RGS22: variants seen among roughly 807,000 people sequenced by gnomAD.
RGS22 encodes the protein regulator of G protein signaling 22.
RGS22 carries 148 observed loss-of-function variants against 172.9 expected under a neutral mutation model. That is an observed-to-expected ratio of 0.86 (90% CI 0.75 to 0.98). The LOEUF (loss-of-function observed/expected upper bound fraction) is 0.98. Ranked by LOEUF, RGS22 falls within the 50% of genes least tolerant of loss-of-function variation. The pLI is 0.00. For missense variants in RGS22, 1,347 were observed against 1,440.8 expected, an observed-to-expected ratio of 0.93 and a Z score of 1.05; for synonymous variants, 458 against 480.2, an observed-to-expected ratio of 0.95 and a Z score of 0.60.
intron 22 of RGS22, 26 bp downstream of exon 22, chr8:99,981,911 C>T: frequency 6.3e-7 from 1 of 1,577,734 alleles, no homozygotes; most frequent in African/African-American, 1.4e-5. Context: ...TTAAAATATG[C>T]TTAGCCACAT....
chr8:100,044,979 T>C (rs1036421415), intron 11 of RGS22, among the ~76,000 whole-genome samples: 1 of 152,144 alleles, frequency 6.6e-6, no homozygotes, highest in Non-Finnish European at 1.5e-5. Context: ...CCAACATAGT[T>C]TCATCTCATC....
At position 100,039,947 on chromosome 8, in the gene RGS22, A is replaced by G; in HGVS notation, c.2064+15T>C. 1 of 1,396,132 alleles carries G rather than the reference A, an allele frequency of 7.2e-7. No individual in the cohort carries two copies. The highest frequency in any genetic ancestry group is 9.4e-7 in the Non-Finnish European group (1 of 1,061,320). The allele number at this position is 1,396,132 out of a possible 1,614,324, so 86.5% of individuals were successfully genotyped here. ...GTAAAATTATAAAATTAAATTTTAA[A>G]TAATTCTTTTCTACCTTGTTCCCTG... On this transcript the variant is annotated intron_variant, in intron 13 of 27. Transcript: ENST00000360863.
chr8:100,022,725 A>T (rs1678831851), intron 14 of RGS22, among the ~76,000 whole-genome samples: 1 of 152,014 alleles, frequency 6.6e-6, no homozygotes, highest in Admixed American at 6.5e-5. Context: ...GAACAAAAAA[A>T]TTCAATTAAA....
At chr8:100,088,464 T>C (rs1203003183) in intron 3 of RGS22, among the ~76,000 whole-genome samples, 2 of 152,032 alleles carry the variant, frequency 1.3e-5, no homozygotes, top group Non-Finnish European at 2.9e-5. Context: ...TTTCACACTA[T>C]AGCACGGAAG....
At chr8:100,050,102 C>T (rs1160255870) in intron 10 of RGS22, among the ~76,000 whole-genome samples, 1 of 151,876 alleles carries the variant, frequency 6.6e-6, no homozygotes, top group Non-Finnish European at 1.5e-5. Flanking sequence ...TGGGTTCCAT[C>T]CCAGAACTAC....
chr8:100,028,455 C>CAAAAAAAAAAAAAA (rs201672610), intron 14 of RGS22, among the ~76,000 whole-genome samples: 2 of 91,820 alleles, frequency 2.2e-5, no homozygotes, highest in Non-Finnish European at 5.1e-5. Context: ...ACCTAGGAGA[C>CAAAAAAAAAAAAAA]AAAAAAAAAA....
intron 6 of RGS22, among the ~76,000 whole-genome samples, chr8:100,069,513 T>G (rs1047003620): frequency 2.6e-5 from 4 of 152,232 alleles, no homozygotes; most frequent in African/African-American, 9.6e-5. Context: ...AATGCTCTCA[T>G]ACAACCTCAC....
chr8:100,061,461 A>G lies in RGS22; in HGVS notation c.1514+1130T>C, dbSNP rs1364411365. Reference sequence around the variant, plus strand: ...TTGTAAGGAACTTAAACAAATTTACAAGAAAAAAAGCCATTAAAAAGTAGG... The same window carrying G: ...TTGTAAGGAACTTAAACAAATTTACGAGAAAAAAAGCCATTAAAAAGTAGG... On this transcript the variant is annotated intron_variant, in intron 9 of 27. Transcript: ENST00000360863. Among the ~76,000 whole-genome samples, 7 of 152,334 alleles carry G rather than the reference A, an allele frequency of 4.6e-5. No individual in the cohort carries two copies. In the East Asian group the frequency reaches 1.3e-3, roughly 29 times the overall value.
intron 14 of RGS22, among the ~76,000 whole-genome samples, chr8:100,014,475 G>T (rs1362354032): frequency 6.6e-6 from 1 of 152,140 alleles, no homozygotes; most frequent in African/African-American, 2.4e-5. Context: ...TGAACTCAAA[G>T]ATCACTAAAA....
chr8:100,053,769 G>A (rs955020109), intron 9 of RGS22, among the ~76,000 whole-genome samples: 4 of 151,980 alleles, frequency 2.6e-5, no homozygotes, highest in African/African-American at 9.7e-5. Flanking sequence ...CCAAGTAGCT[G>A]GGACTACAGG....
chr8:100,008,571 T>G lies in RGS22; in HGVS notation c.2167-2A>C, dbSNP rs769120765. On this transcript the variant is annotated splice_acceptor_variant, in intron 14 of 27. Coordinates refer to ENST00000360863, the MANE Select transcript of RGS22 (RefSeq NM_015668.5). LOFTEE classifies it high-confidence loss of function. ...AGCAACGTATGTGGCAAAAAGATAC[T>G]GAAGGAGAAGAGGGAAGAAGGGAGA... is the stretch of plus-strand genomic sequence containing the variant. The G allele has an allele frequency of 6.2e-7, 1 of 1,605,446 alleles. No homozygotes were observed. Among genetic ancestry groups the G allele is most frequent in the Non-Finnish European group, 8.5e-7 (1 of 1,176,542 alleles).
intron 23 of RGS22, among the ~76,000 whole-genome samples, chr8:99,974,316 T>C (rs140927470): frequency 4.6e-5 from 7 of 152,228 alleles, no homozygotes; most frequent in African/African-American, 1.7e-4. Flanking sequence ...AAGACCAATA[T>C]TACAACAGCA....
chr8:99,976,016 C>A (rs2131165530), intron 23 of RGS22, among the ~76,000 whole-genome samples: 1 of 152,088 alleles, frequency 6.6e-6, no homozygotes, highest in East Asian at 1.9e-4. Context: ...ATGGTGAAAC[C>A]CTGTCTCTAC....
At position 100,035,793 on chromosome 8, in the gene RGS22, T is replaced by C. The variant is rs541424836; in HGVS notation, c.2166+3138A>G. ...CTATGCAGCCATAAAAAAGGATGAGTTCATGTCCTTTGCAGGGACATGAAT... is the reference window on the plus strand; with the variant it reads ...CTATGCAGCCATAAAAAAGGATGAGCTCATGTCCTTTGCAGGGACATGAAT... On this transcript the variant is annotated intron_variant, in intron 14 of 27. Transcript: ENST00000360863. 4.4e-3 allele frequency among the ~76,000 whole-genome samples: 675 copies of C among 151,890 alleles called. 4 individuals carry two copies. Among genetic ancestry groups the C allele is most frequent in the African/African-American group, 0.015 (633 of 41,396 alleles).
intron 24 of RGS22, among the ~76,000 whole-genome samples, chr8:99,963,468 T>A (rs184834025): frequency 6.6e-6 from 1 of 152,308 alleles, no homozygotes; most frequent in East Asian, 1.9e-4. Context: ...AATCAAGTTT[T>A]AGGGGGAGAG....
chr8:99,985,475 C>T (rs988902622), intron 21 of RGS22, among the ~76,000 whole-genome samples: 1 of 152,192 alleles, frequency 6.6e-6, no homozygotes, highest in African/African-American at 2.4e-5. Flanking sequence ...CCATCATTCT[C>T]TCCTCTGTGC....
In RGS22 at chr8:100,006,530, TAA is replaced by T. The variant is rs571290278; in HGVS notation, c.2362-423_2362-422del. ...GTGAGCAAAGGCTTTAATGCTGTAG[TAA>T]GAGAGGAGACCATCAATCATCAAAT... On this transcript the variant is annotated intron_variant, in intron 15 of 27. Transcript: ENST00000360863. Among the ~76,000 whole-genome samples the T allele has an allele frequency of 2.3e-3, 352 of 152,324 alleles. 2 individuals are homozygous for T. Among genetic ancestry groups the T allele is most frequent in the African/African-American group, 8.1e-3 (338 of 41,576 alleles).
intron 14 of RGS22, among the ~76,000 whole-genome samples, chr8:100,027,659 T>G (rs1429301115): frequency 2.0e-5 from 3 of 152,050 alleles, no homozygotes; most frequent in Non-Finnish European, 4.4e-5. Context: ...ATTTTTGTAT[T>G]TTTAGTAGAG....
chr8:100,103,903 T>C (rs1015076206), intron 2 of RGS22, among the ~76,000 whole-genome samples: 6 of 152,184 alleles, frequency 3.9e-5, no homozygotes, highest in Non-Finnish European at 7.3e-5. Context: ...AGTGGCGTGT[T>C]GTTGAGTAGT....
Sources: gnomAD v4.1 joint callset for allele counts (sites outside exome capture counted in the v4.1 genomes callset) on GRCh38, gnomAD v4.1.1 for gene constraint, MANE v1.5 for transcripts, NCBI Gene and HGNC (gene_info 2026-07-23, HGNC 2026-07-21) for gene names.